The following P2RY12 variants were observed in gnomAD, a reference collection of about 807,000 sequenced individuals.
The protein encoded by P2RY12 is purinergic receptor P2Y12.
Under a neutral mutation model 4.5 loss-of-function variants are expected in P2RY12, and 3 were observed. The ratio of observed to expected loss-of-function variants is 0.67; its 90% CI spans 0.31 to 1.74. The LOEUF is 1.74. P2RY12 is among the 40% of genes most tolerant of loss of function. The pLI is 0.09. For missense variants in P2RY12, 356 were observed against 407.8 expected (o/e 0.87, Z 1.09); for synonymous variants, 148 against 154.1 (o/e 0.96, Z 0.29).
chr3:151,356,189 TAGG>T lies in P2RY12; in HGVS notation c.-179-15432_-179-15430del, dbSNP rs548250661. ...CCGAGGTAGGAGGATTGCTTGAATC[TAGG>T]AGTTTTAGACCAGCCTGGGCAACTT... On this transcript the variant is annotated intron_variant, in intron 1 of 2. Transcript: ENST00000302632. The T allele has an allele frequency of 5.2e-5, 41 of 781,596 alleles. No individual in the cohort carries two copies. In the East Asian group the frequency reaches 9.0e-4, roughly 17 times the overall value. The allele number at this position is 781,596 out of a possible 1,614,324, so 48.4% of individuals were successfully genotyped here. A position where few individuals can be genotyped will look rare whatever the true frequency, so the allele number is the denominator to read the frequency against.
intron 1 of P2RY12, among the ~76,000 whole-genome samples, chr3:151,377,612 G>A (rs1711507210): frequency 6.6e-6 from 1 of 152,066 alleles, no homozygotes; most frequent in South Asian, 2.1e-4. Flanking sequence ...CATCATTTTG[G>A]TATAAAGTAT....
intron 1 of P2RY12, among the ~76,000 whole-genome samples, chr3:151,341,734 C>T (rs1323908338): frequency 1.3e-5 from 2 of 151,684 alleles, no homozygotes; most frequent in East Asian, 3.9e-4. Context: ...CCCATCCCCC[C>T]ACCCCACAAC....
At chr3:151,371,858 C>G (rs963890104) in intron 1 of P2RY12, among the ~76,000 whole-genome samples, 1 of 152,166 alleles carries the variant, frequency 6.6e-6, no homozygotes, top group African/African-American at 2.4e-5. Context: ...TCTAGCTATT[C>G]AGACATTCTG....
intron 1 of P2RY12, among the ~76,000 whole-genome samples, chr3:151,353,564 GA>G (rs1200246350): frequency 6.6e-6 from 1 of 152,220 alleles, no homozygotes; most frequent in Non-Finnish European, 1.5e-5. Flanking sequence ...TAGGGAATTA[GA>G]AAAGAACCAG....
At chr3:151,371,506 A>G (rs1756183185) in intron 1 of P2RY12, among the ~76,000 whole-genome samples, 2 of 152,174 alleles carry the variant, frequency 1.3e-5, no homozygotes, top group African/African-American at 4.8e-5. Flanking sequence ...GAAATACATT[A>G]TTTATTCCTC....
At chr3:151,338,968 C>A in intron 2 of P2RY12, 109 bp from the exon 3 acceptor site, 1 of 921,092 alleles carries the variant, frequency 1.1e-6, no homozygotes, top group Non-Finnish European at 1.7e-6. Context: ...GTTGAGGTTT[C>A]TCATCTTCAT....
intron 1 of P2RY12, chr3:151,382,582 C>T (rs1553804293): frequency 1.1e-6 from 1 of 922,484 alleles, no homozygotes; most frequent in Admixed American, 3.1e-5. Context: ...TTTTTGCTAT[C>T]AGTATAAAGC....
In P2RY12 at chr3:151,338,760, G is replaced by A; in HGVS notation, c.86C>T (p.Pro29Leu). Residue 29 changes from proline to leucine, a missense_variant, in exon 3 of 3, where the codon CCA (proline) becomes CTA (leucine). Coordinates refer to ENST00000302632, the MANE Select transcript of P2RY12 (RefSeq NM_022788.5). ...AAAAAACAGGACAGTGTAGAGCAGT[G>A]GGAAGAGGACCTGGGTGATTTTGTA... Reference protein sequence around the residue: ...RDYKITQVLFPLLYTVLFFVG... With the variant: ...RDYKITQVLFLLLYTVLFFVG... The A allele has an allele frequency of 1.2e-6, 2 of 1,613,840 alleles. No individual in the cohort carries two copies. The highest frequency in any genetic ancestry group is 2.2e-5 in the South Asian group (2 of 91,056).
At position 151,338,434 on chromosome 3, in the gene P2RY12, G is replaced by A. The variant is rs1291847651; in HGVS notation, c.412C>T (p.Leu138Phe). Residue 138 changes from leucine (L) to phenylalanine (F), a missense_variant, in exon 3 of 3, where the codon CTC becomes TTC. Transcript: ENST00000302632. ...ACAGAGAGAATCTTAGCCCCCAAGA[G>A]ATTTTTGGGGTTGGATGTTTTAAAT... ...RPFKTSNPKN[L>F]LGAKILSVVI... 6.2e-7 allele frequency: 1 copy of A among 1,613,974 alleles called. No homozygotes were observed. The highest frequency in any genetic ancestry group is 1.7e-5 in the Admixed American group (1 of 59,964).
At chr3:151,382,714 T>C in intron 1 of P2RY12, 1 of 1,612,818 alleles carries the variant, frequency 6.2e-7, no homozygotes, top group Non-Finnish European at 8.5e-7. Flanking sequence ...CGGCAGATGA[T>C]GCACGAAGCA....
At chr3:151,378,257 G>A in intron 1 of P2RY12, 1 of 1,306,978 alleles carries the variant, frequency 7.7e-7, no homozygotes, top group Non-Finnish European at 1.0e-6. Flanking sequence ...TGTGGTCACT[G>A]TACCCACAGT....
rs1386030142 is a variant in P2RY12, at chr3:151,338,280, A to G, written c.566T>C (p.Ile189Thr). ...KSEFGLVWHEIVNYICQVIFW... is the reference protein window; with the variant it reads ...KSEFGLVWHETVNYICQVIFW... ...AATGACTTGACAGATGTAATTTACT[A>G]TTTCATGCCAGACTAGACCGAACTC... The change falls in exon 3 of 3, where the codon ATA (isoleucine) becomes ACA (threonine). Residue 189 changes from isoleucine to threonine, a missense_variant. By Grantham distance (89) the Ile-to-Thr change is moderately conservative (BLOSUM62 -1). Coordinates refer to ENST00000302632, the MANE Select transcript of P2RY12 (RefSeq NM_022788.5). The G allele has an allele frequency of 2.5e-6, 4 of 1,613,960 alleles. No individual in the cohort carries two copies. In the African/African-American group the frequency reaches 4.0e-5, roughly 16 times the overall value.
chr3:151,365,130 G>C (rs1316244409), intron 1 of P2RY12: 14 of 1,614,086 alleles, frequency 8.7e-6, no homozygotes, highest in Non-Finnish European at 1.2e-5. Flanking sequence ...GATCCTCAGT[G>C]ACAATGCGGC....
intron 1 of P2RY12, chr3:151,365,122 T>A (rs748739505): frequency 6.8e-6 from 11 of 1,613,916 alleles, no homozygotes; most frequent in South Asian, 1.1e-5. Context: ...CTGGGCAAGA[T>A]CCTCAGTGAC....
intron 1 of P2RY12, among the ~76,000 whole-genome samples, chr3:151,362,271 TCAGTGATTTTC>T (rs1754703930): frequency 6.6e-6 from 1 of 152,122 alleles, no homozygotes; most frequent in African/African-American, 2.4e-5. Context: ...TCACAGGCTT[TCAGTGATTTTC>T]CACCCACTCA....
intron 1 of P2RY12, chr3:151,355,090 A>T (rs552556868): frequency 6.5e-7 from 1 of 1,538,910 alleles, no homozygotes; most frequent in Non-Finnish European, 9.0e-7. Flanking sequence ...TATTAAATGG[A>T]AAATAATGGA....
rs751585775 is a variant in P2RY12 at position 151,337,771 on chromosome 3, G to A, written c.*46C>T. ...TTTTTACTTAGCGCTTTGCTTTAAC[G>A]AGTTCTGAACACAAAGAGATTGAAA... On this transcript the variant is annotated 3_prime_UTR_variant, in exon 3 of 3. Coordinates refer to ENST00000302632, the MANE Select transcript of P2RY12 (RefSeq NM_022788.5). 3.8e-6 allele frequency: 6 copies of A among 1,580,854 alleles called. No homozygotes were observed. The highest frequency in any genetic ancestry group is 2.2e-5 in the East Asian group (1 of 44,728).
At chr3:151,365,279 CGTTA>C in intron 1 of P2RY12, 1 of 1,254,874 alleles carries the variant, frequency 8.0e-7, no homozygotes. Context: ...AAATTGATGT[CGTTA>C]GTAAGTGTCT....
chr3:151,375,702 CAAG>C (rs947986030), intron 1 of P2RY12, among the ~76,000 whole-genome samples: 4 of 152,128 alleles, frequency 2.6e-5, no homozygotes, highest in African/African-American at 9.6e-5. Context: ...CATTATATAG[CAAG>C]TTAGAAAAAA....
Sources: allele counts gnomAD v4.1 joint callset (sites outside exome capture counted in the v4.1 genomes callset), GRCh38; gene constraint gnomAD v4.1.1; transcripts MANE v1.5; gene names NCBI Gene and HGNC (gene_info 2026-07-23, HGNC 2026-07-21).